FOXN3: variants seen among roughly 807,000 people sequenced by gnomAD.
The protein encoded by FOXN3 is forkhead box N3.
FOXN3 carries 7 observed loss-of-function variants against 38.4 expected under a neutral mutation model. That is an observed-to-expected ratio of 0.18 (90% CI 0.10 to 0.34). The LOEUF (loss-of-function observed/expected upper bound fraction) is 0.34. FOXN3 is among the 10% of genes least tolerant of loss of function. The pLI is 1.00. For synonymous variants in FOXN3, 230 were observed against 242.2 expected (o/e 0.95, Z 0.47); for missense variants, 456 against 613.4 (o/e 0.74, Z 2.71).
intron 2 of FOXN3, among the ~76,000 whole-genome samples, chr14:89,351,889 A>C (rs1434100331): frequency 6.6e-6 from 1 of 152,220 alleles, no homozygotes; most frequent in Non-Finnish European, 1.5e-5. Context: ...AGGAGCTGTA[A>C]AAACAAGTTA....
chr14:89,606,526 T>C (rs925582001), intron 1 of FOXN3, among the ~76,000 whole-genome samples: 8 of 152,174 alleles, frequency 5.3e-5, no homozygotes, highest in African/African-American at 9.7e-5. Flanking sequence ...ATCTAATACA[T>C]GTGCAAAATT....
chr14:89,249,823 C>T (rs1040302213), intron 4 of FOXN3, among the ~76,000 whole-genome samples: 1 of 152,196 alleles, frequency 6.6e-6, no homozygotes, highest in Non-Finnish European at 1.5e-5. Flanking sequence ...CCAAATCCAT[C>T]TGTTTCGCAT....
At chr14:89,459,090 T>C (rs880536) in intron 1 of FOXN3, among the ~76,000 whole-genome samples, 65,788 of 151,808 alleles carry the variant, frequency 0.43, 14,306 homozygotes, top group Admixed American at 0.5. Flanking sequence ...CAGTTGGGCA[T>C]TCACAGAGAA....
At chr14:89,469,745 C>T (rs1355185503) in intron 1 of FOXN3, among the ~76,000 whole-genome samples, 1 of 152,224 alleles carries the variant, frequency 6.6e-6, no homozygotes, top group African/African-American at 2.4e-5. Flanking sequence ...CTGCTACTCC[C>T]TGGCACTGTG....
chr14:89,444,841 C>T (rs1004258196), intron 1 of FOXN3, among the ~76,000 whole-genome samples: 1 of 152,144 alleles, frequency 6.6e-6, no homozygotes, highest in Admixed American at 6.5e-5. Flanking sequence ...TGCTTCAAGG[C>T]CAGGTGCAGT....
chr14:89,403,693 C>T (rs1596254967), intron 2 of FOXN3, among the ~76,000 whole-genome samples: 1 of 152,304 alleles, frequency 6.6e-6, no homozygotes, highest in African/African-American at 2.4e-5. Flanking sequence ...ATCCAGGTGC[C>T]ACAAAGCCCT....
chr14:89,276,719 T>G (rs1416708677), intron 4 of FOXN3, among the ~76,000 whole-genome samples: 3 of 151,842 alleles, frequency 2.0e-5, no homozygotes, highest in Admixed American at 2.0e-4. Context: ...GCAGGTGGGG[T>G]GGGGAGGGTA....
rs773487446 is a variant in FOXN3 at position 89,532,846 on chromosome 14, A to G, written c.-15+86182T>C. ...CCAGATAAAAGACATTTGTATAGCTATACATTTTGGTAACAAAGGTATAGC... is the reference window on the plus strand; with the variant it reads ...CCAGATAAAAGACATTTGTATAGCTGTACATTTTGGTAACAAAGGTATAGC... On this transcript the variant is annotated intron_variant, in intron 1 of 6. Coordinates refer to the FOXN3 transcript ENST00000345097. Among the ~76,000 whole-genome samples the G allele has an allele frequency of 2.0e-4, 30 of 152,232 alleles. 1 individual carries two copies. Among genetic ancestry groups the G allele is most frequent in the Non-Finnish European group, 3.8e-4 (26 of 68,042 alleles).
chr14:89,376,354 CAT>C (rs1201099504), intron 2 of FOXN3, among the ~76,000 whole-genome samples: 1 of 152,082 alleles, frequency 6.6e-6, no homozygotes, highest in Admixed American at 6.5e-5. Context: ...CCCATGAGTC[CAT>C]AGTGATAGTC....
In FOXN3 at chr14:89,533,661, C is replaced by CAAA. The variant is rs34194637; in HGVS notation, c.-15+85364_-15+85366dup. Reference sequence around the variant, plus strand: ...TGGGTGACAGAGGGAGACTCTGTCTCAAAAAAAAAAAAAAAAAAAAAAAAA... The same window carrying CAAA: ...TGGGTGACAGAGGGAGACTCTGTCTCAAAAAAAAAAAAAAAAAAAAAAAAAAAA... On this transcript the variant is annotated intron_variant, in intron 1 of 6. Coordinates refer to the FOXN3 transcript ENST00000345097. Among the ~76,000 whole-genome samples the CAAA allele has an allele frequency of 2.0e-3, 134 of 65,936 alleles. 11 individuals are homozygous for CAAA. The highest frequency in any genetic ancestry group is 2.8e-3 in the Non-Finnish European group (105 of 37,908). 43.3% of individuals were successfully genotyped at this position (65,936 alleles called of 152,430 possible). A position where few individuals can be genotyped will look rare whatever the true frequency, so the allele number is the denominator to read the frequency against.
chr14:89,534,346 C>T (rs1894639091), intron 1 of FOXN3, among the ~76,000 whole-genome samples: 1 of 152,124 alleles, frequency 6.6e-6, no homozygotes, highest in Admixed American at 6.6e-5. Flanking sequence ...AGGTGATCCA[C>T]CCACTTCAGC....
intron 1 of FOXN3, among the ~76,000 whole-genome samples, chr14:89,553,047 TG>T (rs1895038127): frequency 6.6e-6 from 1 of 151,636 alleles, no homozygotes; most frequent in Non-Finnish European, 1.5e-5. Flanking sequence ...AAGGCAAGCC[TG>T]TGCAAAATGG....
intron 2 of FOXN3, chr14:89,353,885 A>G (rs2140013280): frequency 7.2e-6 from 1 of 138,968 alleles, no homozygotes; most frequent in East Asian, 2.1e-4. Context: ...GTGCATCACC[A>G]TGCCTGGCTA....
chr14:89,263,360 A>T (rs913258593), intron 4 of FOXN3, among the ~76,000 whole-genome samples: 2 of 148,286 alleles, frequency 1.3e-5, no homozygotes, highest in African/African-American at 4.9e-5. Context: ...ATTTTTGAAG[A>T]AAAAAAAAAA....
chr14:89,513,942 G>GCACA (rs1566682398), intron 1 of FOXN3, among the ~76,000 whole-genome samples: 3 of 150,932 alleles, frequency 2.0e-5, no homozygotes, highest in Non-Finnish European at 2.9e-5. Flanking sequence ...ACGCACACAC[G>GCACA]CACGCACACA....
rs888155387 is a variant in FOXN3 at position 89,412,528 on chromosome 14, G to C, written c.-14-38C>G. The C allele has an allele frequency of 2.0e-6, 3 of 1,525,644 alleles. No homozygotes were observed. The highest frequency in any genetic ancestry group is 2.7e-6 in the Non-Finnish European group (3 of 1,130,924). The allele number at this position is 1,525,644 out of a possible 1,614,324, so 94.5% of individuals were successfully genotyped here. On this transcript the variant is annotated intron_variant, in intron 1 of 5. Coordinates refer to ENST00000557258, the MANE Select transcript of FOXN3 (RefSeq NM_005197.4). The surrounding 1 kb of genome is among the most constrained non-coding windows in gnomAD (Gnocchi z 4.7). The stretch of plus-strand genomic sequence containing the variant: ...TCACAAAGAAATGATGAGCTGGCGA[G>C]GCCCAAAACAGAAAGGCAGACTGTA...
At position 89,280,981 on chromosome 14, in the gene FOXN3, G is replaced by A; in HGVS notation, c.714C>T (p.Thr238=). 6.2e-7 allele frequency: 1 copy of A among 1,613,870 alleles called. No homozygotes were observed. Among genetic ancestry groups the A allele is most frequent in the East Asian group, 2.2e-5 (1 of 44,878 alleles). Reference sequence around the variant, plus strand: ...GAAGGGCTCCATTTCTCTTGAAGAAGGTACTGCCCGGCCAGATGGGTGGAC... The same window carrying A: ...GAAGGGCTCCATTTCTCTTGAAGAAAGTACTGCCCGGCCAGATGGGTGGAC... ...TSGPPIWPGS[T]FFKRNGALLQ... is the part of the protein sequence containing the mutation. Residue 238 remains threonine (T), a synonymous_variant, in exon 4 of 6, where the codon ACC becomes ACT. Coordinates refer to ENST00000557258, the MANE Select transcript of FOXN3 (RefSeq NM_005197.4).
At position 89,157,173 on chromosome 14, in the gene FOXN3, G is replaced by A. The variant is rs1886999397; in HGVS notation, c.*5241C>T. ...TCGTGAGCATCTCACGGTTAAGTCAGAAATGATCGTTCACACACGTCTGAT... is the reference window on the plus strand; with the variant it reads ...TCGTGAGCATCTCACGGTTAAGTCAAAAATGATCGTTCACACACGTCTGAT... On this transcript the variant is annotated 3_prime_UTR_variant, in exon 6 of 6. Coordinates refer to ENST00000557258, the MANE Select transcript of FOXN3 (RefSeq NM_005197.4). 6.6e-6 allele frequency: 1 copy of A among 152,642 alleles called. No individual in the cohort carries two copies. The highest frequency in any genetic ancestry group is 2.4e-5 in the African/African-American group (1 of 41,440). The allele number at this position is 152,642 out of a possible 1,614,324, so 9.5% of individuals were successfully genotyped here. A position where few individuals can be genotyped will look rare whatever the true frequency, so the allele number is the denominator to read the frequency against.
At chr14:89,538,684 A>C in intron 1 of FOXN3, among the ~76,000 whole-genome samples, 1 of 150,914 alleles carries the variant, frequency 6.6e-6, no homozygotes, top group African/African-American at 2.4e-5. Flanking sequence ...ACGCCTGGCT[A>C]ATTTTGTATT....
Sources: gnomAD v4.1 joint callset for allele counts (sites outside exome capture counted in the v4.1 genomes callset) on GRCh38, gnomAD v4.1.1 for gene constraint, Gnocchi (gnomAD v3.1) non-coding constraint, MANE v1.5 for transcripts, NCBI Gene and HGNC (gene_info 2026-07-23, HGNC 2026-07-21) for gene names.